Variants in SHLD2 observed in about 807,000 individuals in gnomAD.
SHLD2 encodes the protein shieldin complex subunit 2.
A neutral mutation model predicts 73.2 loss-of-function variants in SHLD2; 30 were observed. That is an observed-to-expected ratio of 0.41 (90% CI 0.31 to 0.56). SHLD2 has a LOEUF of 0.56. Among genes scored for constraint, SHLD2 ranks in the 20% least tolerant of loss-of-function variants. The pLI, the probability that SHLD2 is intolerant of heterozygous loss-of-function variation, is 0.28. For missense variants in SHLD2, 745 were observed against 1,055.9 expected (o/e 0.71, Z 4.08); for synonymous variants, 285 against 370.1 (o/e 0.77, Z 2.64).
intron 4 of SHLD2, among the ~76,000 whole-genome samples, chr10:87,169,076 C>CT (rs1426381334): frequency 2.6e-5 from 4 of 152,012 alleles, no homozygotes; most frequent in South Asian, 2.1e-4. Context: ...ATGAGGTAGA[C>CT]TTTTTTTGGA....
chr10:87,155,244 C>G (rs1564602635), intron 3 of SHLD2, among the ~76,000 whole-genome samples: 1 of 152,204 alleles, frequency 6.6e-6, no homozygotes, highest in East Asian at 1.9e-4. Flanking sequence ...CGAGTACAAT[C>G]TTTTATAAAG....
intron 8 of SHLD2, among the ~76,000 whole-genome samples, chr10:87,184,045 C>A (rs1294892151): frequency 6.6e-6 from 1 of 152,224 alleles, no homozygotes; most frequent in Non-Finnish European, 1.5e-5. Context: ...ACGTCCATCT[C>A]ACATTTAAAC....
intron 2 of SHLD2, among the ~76,000 whole-genome samples, chr10:87,121,565 T>C (rs1305050108): frequency 6.6e-6 from 1 of 151,902 alleles, no homozygotes; most frequent in African/African-American, 2.4e-5. Flanking sequence ...CCAAAATAAA[T>C]GTTATTATTT....
chr10:87,104,687 G>A (rs1842489189), intron 2 of SHLD2, among the ~76,000 whole-genome samples: 1 of 150,560 alleles, frequency 6.6e-6, no homozygotes, highest in African/African-American at 2.4e-5. Flanking sequence ...TTGAGACGGA[G>A]TCTTGCTCTG....
At chr10:87,145,700 C>CTT (rs552972189) in intron 2 of SHLD2, among the ~76,000 whole-genome samples, 4,964 of 149,798 alleles carry the variant, frequency 0.033, 66 homozygotes, top group Middle Eastern at 0.11. Context: ...ACAGTTCATC[C>CTT]TGTTTTAGAA....
intron 2 of SHLD2, among the ~76,000 whole-genome samples, chr10:87,131,581 A>G (rs916643204): frequency 6.6e-6 from 1 of 151,818 alleles, no homozygotes; most frequent in Non-Finnish European, 1.5e-5. Context: ...CATTGTGTGG[A>G]TATATCACAT....
intron 2 of SHLD2, among the ~76,000 whole-genome samples, chr10:87,097,657 A>G (rs61545267): frequency 6.7e-6 from 1 of 150,088 alleles, no homozygotes; most frequent in Non-Finnish European, 1.5e-5. Flanking sequence ...GGAAATTACT[A>G]TTTTTTTTTT....
rs556393628 is a variant in SHLD2, at chr10:87,149,808, A to G, written c.-5-1542A>G. On this transcript the variant is annotated intron_variant, in intron 2 of 9. Coordinates refer to ENST00000298786, the MANE Select transcript of SHLD2 (RefSeq NM_001330112.2). ...CAGTGGTGTGATCATGGCTCACTGC[A>G]ATGTCCGCCTCTCAGGCTCAAGTAA... Among the ~76,000 whole-genome samples, 876 of 152,278 alleles carry G rather than the reference A, an allele frequency of 5.8e-3. 6 individuals are homozygous for G. Among genetic ancestry groups the G allele is most frequent in the African/African-American group, 0.019 (779 of 41,560 alleles).
At chr10:87,179,475 C>T (rs1848166996) in intron 7 of SHLD2, among the ~76,000 whole-genome samples, 1 of 151,306 alleles carries the variant, frequency 6.6e-6, no homozygotes, top group South Asian at 2.1e-4. Flanking sequence ...GATCTCGGCT[C>T]ACTATAAGCT....
At chr10:87,128,047 T>G (rs1207236806) in intron 2 of SHLD2, among the ~76,000 whole-genome samples, 2 of 152,210 alleles carry the variant, frequency 1.3e-5, no homozygotes, top group East Asian at 3.8e-4. Flanking sequence ...TTTCCCATAT[T>G]CCATATTTTT....
chr10:87,147,072 G>GAAAAAAAACAAACAAACA (rs1564596468), intron 2 of SHLD2, among the ~76,000 whole-genome samples: 174 of 95,298 alleles, frequency 1.8e-3, no homozygotes, highest in Middle Eastern at 5.6e-3. Flanking sequence ...AAAAAAAAAA[G>GAAAAAAAACAAACAAACA]AAAAAAAAAA....
At chr10:87,160,376 C>A (rs1249600692) in intron 4 of SHLD2, among the ~76,000 whole-genome samples, 1 of 152,010 alleles carries the variant, frequency 6.6e-6, no homozygotes, top group African/African-American at 2.4e-5. Flanking sequence ...GTAGTTACAG[C>A]TACTAGGGAG....
chr10:87,127,539 A>C (rs4934302), intron 2 of SHLD2, among the ~76,000 whole-genome samples: 12,474 of 34,446 alleles, frequency 0.36, 1,571 homozygotes, highest in African/African-American at 0.42. Context: ...GCCCCCCCCC[A>C]CCCCGTCTGC....
chr10:87,120,073 A>G (rs2134066853), intron 2 of SHLD2, among the ~76,000 whole-genome samples: 1 of 151,998 alleles, frequency 6.6e-6, no homozygotes, highest in African/African-American at 2.4e-5. Flanking sequence ...AGCACTAGTG[A>G]TAGGTATTAA....
At chr10:87,108,547 C>G (rs780365852) in intron 2 of SHLD2, among the ~76,000 whole-genome samples, 1 of 152,164 alleles carries the variant, frequency 6.6e-6, no homozygotes, top group Non-Finnish European at 1.5e-5. Flanking sequence ...TGAAGTGACT[C>G]TCCCACCCCG....
chr10:87,126,348 G>A (rs1001420690), intron 2 of SHLD2, among the ~76,000 whole-genome samples: 9 of 152,230 alleles, frequency 5.9e-5, no homozygotes, highest in African/African-American at 1.7e-4. Flanking sequence ...CCAAAGTGCT[G>A]GGATTACAGG....
chr10:87,106,783 G>A (rs1334681982), intron 2 of SHLD2, among the ~76,000 whole-genome samples: 1 of 152,090 alleles, frequency 6.6e-6, no homozygotes, highest in Non-Finnish European at 1.5e-5. Flanking sequence ...ATAGGCAAGT[G>A]GATTAAAATA....
intron 8 of SHLD2, among the ~76,000 whole-genome samples, chr10:87,184,454 G>A (rs572872410): frequency 6.6e-6 from 1 of 151,976 alleles, no homozygotes; most frequent in South Asian, 2.1e-4. Context: ...GAAAGTCAGT[G>A]CCTGCTGGTC....
intron 2 of SHLD2, among the ~76,000 whole-genome samples, chr10:87,126,410 G>A (rs1372002007): frequency 2.0e-5 from 3 of 152,056 alleles, no homozygotes; most frequent in South Asian, 2.1e-4. Context: ...CAAGATTATT[G>A]TCTGAATATT....
Sources: allele counts gnomAD v4.1 joint callset (sites outside exome capture counted in the v4.1 genomes callset), GRCh38; gene constraint gnomAD v4.1.1; transcripts MANE v1.5; gene names NCBI Gene and HGNC (gene_info 2026-07-23, HGNC 2026-07-21).